PARD3: variants seen among roughly 807,000 people sequenced by gnomAD.
PARD3 encodes the protein par-3 family cell polarity regulator.
Under a neutral mutation model 155.4 loss-of-function variants are expected in PARD3, and 75 were observed. The observed-to-expected ratio is 0.48, with a 90% CI of 0.40 to 0.58. PARD3 has a LOEUF of 0.58. Ranked by LOEUF, PARD3 falls within the 20% of genes least tolerant of loss-of-function variation. The pLI is 0.00. For synonymous variants in PARD3, 576 were observed against 610.5 expected, an observed-to-expected ratio of 0.94 and a Z score of 0.83; for missense variants, 1,642 against 1,721.7, an observed-to-expected ratio of 0.95 and a Z score of 0.82.
chr10:34,427,065 G>A (rs1356267940), intron 5 of PARD3, among the ~76,000 whole-genome samples: 3 of 151,984 alleles, frequency 2.0e-5, no homozygotes, highest in Admixed American at 6.6e-5. Context: ...GATGTATGTC[G>A]CCTCAGGACC....
chr10:34,544,562 C>G (rs2083894679), intron 2 of PARD3, among the ~76,000 whole-genome samples: 1 of 152,148 alleles, frequency 6.6e-6, no homozygotes, highest in African/African-American at 2.4e-5. Context: ...TGTGGTCCCT[C>G]CCAGTAGCAC....
intron 2 of PARD3, among the ~76,000 whole-genome samples, chr10:34,573,426 G>A (rs1388901543): frequency 6.6e-6 from 1 of 150,498 alleles, no homozygotes; most frequent in African/African-American, 2.4e-5. Context: ...AATCGAGCAG[G>A]TGCAGTGGCT....
At chr10:34,648,872 G>C (rs1021817908) in intron 2 of PARD3, among the ~76,000 whole-genome samples, 1 of 152,150 alleles carries the variant, frequency 6.6e-6, no homozygotes, top group African/African-American at 2.4e-5. Flanking sequence ...TGAACCAGGA[G>C]TCCTGCTGTT....
At chr10:34,793,833 A>T (rs1022078593) in intron 1 of PARD3, among the ~76,000 whole-genome samples, 1 of 152,178 alleles carries the variant, frequency 6.6e-6, no homozygotes, top group African/African-American at 2.4e-5. Context: ...ATCACTTCAC[A>T]TAAGAATGCA....
At chr10:34,652,444 A>G (rs1472551783) in intron 2 of PARD3, among the ~76,000 whole-genome samples, 1 of 152,238 alleles carries the variant, frequency 6.6e-6, no homozygotes, top group African/African-American at 2.4e-5. Flanking sequence ...TAACCACCAG[A>G]ACCCAGAAAA....
At chr10:34,605,180 A>ATTTTTTTTTTTTTTTTT (rs750688603) in intron 2 of PARD3, among the ~76,000 whole-genome samples, 1 of 62,430 alleles carries the variant, frequency 1.6e-5, no homozygotes, top group African/African-American at 5.5e-5. Context: ...CCAAAATGAA[A>ATTTTTTTTTTTTTTTTT]TTTTTTTTTT....
intron 21 of PARD3, among the ~76,000 whole-genome samples, chr10:34,278,986 G>C (rs1023925781): frequency 6.6e-6 from 1 of 152,126 alleles, no homozygotes; most frequent in Non-Finnish European, 1.5e-5. Flanking sequence ...CCAATGCAGA[G>C]AGATGCTCTT....
chr10:34,309,405 A>T (rs1462487024), intron 20 of PARD3, among the ~76,000 whole-genome samples: 1 of 151,958 alleles, frequency 6.6e-6, no homozygotes, highest in Non-Finnish European at 1.5e-5. Context: ...TATAAAATTT[A>T]AAAAGTAGTA....
chr10:34,121,057 CAAAAAAAGAAAAA>C (rs1401838693), intron 23 of PARD3, among the ~76,000 whole-genome samples: 2 of 108,984 alleles, frequency 1.8e-5, no homozygotes, highest in African/African-American at 7.4e-5. Flanking sequence ...GACCCTGTCT[CAAAAAAAGAAAAA>C]AAAAAAAGGA....
intron 20 of PARD3, among the ~76,000 whole-genome samples, chr10:34,299,086 C>A (rs917578539): frequency 1.3e-5 from 2 of 152,206 alleles, no homozygotes; most frequent in Non-Finnish European, 2.9e-5. Flanking sequence ...CAATACCTAA[C>A]TTGTTCAGTC....
At chr10:34,740,871 T>TA (rs2094997324) in intron 1 of PARD3, among the ~76,000 whole-genome samples, 2 of 152,210 alleles carry the variant, frequency 1.3e-5, no homozygotes, top group South Asian at 4.1e-4. Flanking sequence ...ATGTGAAGCT[T>TA]GACTAAAGTC....
chr10:34,448,412 C>A (rs1282266888), intron 5 of PARD3, among the ~76,000 whole-genome samples: 1 of 151,562 alleles, frequency 6.6e-6, no homozygotes, highest in African/African-American at 2.4e-5. Flanking sequence ...AAAATATTGG[C>A]CATAGGGTAA....
chr10:34,583,766 T>C (rs984805355), intron 2 of PARD3, among the ~76,000 whole-genome samples: 4 of 152,190 alleles, frequency 2.6e-5, no homozygotes, highest in Non-Finnish European at 5.9e-5. Flanking sequence ...ATTGATCTTA[T>C]GTTAAAGTAA....
intron 2 of PARD3, among the ~76,000 whole-genome samples, chr10:34,610,672 T>A (rs757757801): frequency 6.6e-6 from 1 of 152,194 alleles, no homozygotes; most frequent in Non-Finnish European, 1.5e-5. Flanking sequence ...AATATATATA[T>A]AATGTGGTTG....
chr10:34,133,348 C>CA (rs1947716221), intron 22 of PARD3, among the ~76,000 whole-genome samples: 1 of 152,108 alleles, frequency 6.6e-6, no homozygotes, highest in African/African-American at 2.4e-5. Context: ...ACACAGCAGT[C>CA]AAATAGACAA....
chr10:34,300,989 C>T (rs980064974), intron 20 of PARD3, among the ~76,000 whole-genome samples: 31 of 152,090 alleles, frequency 2.0e-4, no homozygotes, highest in African/African-American at 7.5e-4. Flanking sequence ...CTAATAGCTA[C>T]AATCCTTTGT....
chr10:34,810,574 C>A (rs915661233), intron 1 of PARD3, among the ~76,000 whole-genome samples: 2 of 152,184 alleles, frequency 1.3e-5, no homozygotes, highest in Non-Finnish European at 2.9e-5. Flanking sequence ...CAATTTTGTT[C>A]TCCTGATTGT....
chr10:34,386,817 CAAAAAA>C (rs79015033), intron 7 of PARD3, among the ~76,000 whole-genome samples: 1 of 85,512 alleles, frequency 1.2e-5, no homozygotes, highest in African/African-American at 4.5e-5. Context: ...AAACTCCGTC[CAAAAAA>C]AAAAAAAAAA....
At chr10:34,755,204 C>A (rs1334049844) in intron 1 of PARD3, among the ~76,000 whole-genome samples, 1 of 151,118 alleles carries the variant, frequency 6.6e-6, no homozygotes, top group Non-Finnish European at 1.5e-5. Flanking sequence ...GAGCTCGAGA[C>A]CAGTCTGGCC....
Sources: allele counts gnomAD v4.1 joint callset (sites outside exome capture counted in the v4.1 genomes callset), GRCh38; gene constraint gnomAD v4.1.1; transcripts MANE v1.5; gene names NCBI Gene and HGNC (gene_info 2026-07-23, HGNC 2026-07-21).